The following EPS15L1 variants were observed in gnomAD, a reference collection of about 807,000 sequenced individuals.
EPS15L1 encodes the protein epidermal growth factor receptor substrate 15-like 1.
A neutral mutation model predicts 117.1 loss-of-function variants in EPS15L1; 43 were observed. The ratio of observed to expected loss-of-function variants is 0.37; its 90% CI spans 0.29 to 0.47. The LOEUF is 0.47. Among genes scored for constraint, EPS15L1 ranks in the 20% least tolerant of loss-of-function variants. The pLI, the probability that EPS15L1 is intolerant of heterozygous loss-of-function variation, is 0.99. For synonymous variants in EPS15L1, 459 were observed against 470.5 expected (o/e 0.98, Z 0.32); for missense variants, 981 against 1,164.0 (o/e 0.84, Z 2.29).
At chr19:16,362,668 C>A (rs751130231) in intron 22 of EPS15L1, among the ~76,000 whole-genome samples, 1 of 151,906 alleles carries the variant, frequency 6.6e-6, no homozygotes, top group Non-Finnish European at 1.5e-5. Flanking sequence ...AGCCACCATG[C>A]GTGGCTAATT....
intron 1 of EPS15L1, among the ~76,000 whole-genome samples, chr19:16,450,996 G>T (rs1420629942): frequency 1.3e-5 from 2 of 151,944 alleles, no homozygotes; most frequent in African/African-American, 2.4e-5. Context: ...TGTTGCCCAG[G>T]CTGGATGGCA....
chr19:16,435,317 T>G (rs1035439749), intron 6 of EPS15L1: 1 of 152,120 alleles, frequency 6.6e-6, no homozygotes, highest in Admixed American at 6.6e-5. Context: ...TAGCTCTTCA[T>G]GAACAGAGGG....
At chr19:16,373,589 G>A (rs920185740) in intron 22 of EPS15L1, among the ~76,000 whole-genome samples, 5 of 151,974 alleles carry the variant, frequency 3.3e-5, no homozygotes, top group Admixed American at 6.6e-5. Flanking sequence ...TTCTGAGCAC[G>A]ACTTCACCCG....
chr19:16,412,718 G>C lies in EPS15L1; in HGVS notation c.1266+1055C>G, dbSNP rs1165993592. On this transcript the variant is annotated intron_variant, in intron 13 of 23. Transcript: ENST00000455140. ...GACACCGGTGCAGCGGGGGGTGGGG[G>C]GGGGGGGGGTGTCAGAGGCCCTGGG... 3.0e-4 allele frequency: 38 copies of C among 127,658 alleles called. 1 individual carries two copies. The South Asian group carries it at 3.2e-3, about 11-fold the overall frequency. 7.9% of individuals were successfully genotyped at this position (127,658 alleles called of 1,614,324 possible).
chr19:16,434,737 C>T (rs536158843), intron 6 of EPS15L1: 4 of 388,222 alleles, frequency 1.0e-5, no homozygotes, highest in East Asian at 5.0e-5. Flanking sequence ...GCCCTGGCCC[C>T]GGGTCTTGTC....
At chr19:16,376,987 C>T (rs1241976297) in intron 22 of EPS15L1, 135 bp downstream of exon 22, 7 of 1,164,746 alleles carry the variant, frequency 6.0e-6, no homozygotes, top group South Asian at 1.6e-5. Context: ...GCAGCTGGGC[C>T]GGGGGGACCC....
rs190923943 is a variant in EPS15L1, at chr19:16,448,506, C to T, written c.34-6287G>A. Among the ~76,000 whole-genome samples the T allele has an allele frequency of 3.1e-3, 452 of 146,844 alleles. 2 individuals are homozygous for T. The highest frequency in any genetic ancestry group is 4.1e-3 in the Non-Finnish European group (279 of 67,432). On this transcript the variant is annotated intron_variant, in intron 1 of 23. Coordinates refer to ENST00000455140, the MANE Select transcript of EPS15L1 (RefSeq NM_001258374.3). Reference sequence around the variant, plus strand: ...GATCACACCATTGCACCATTGCACTCCAGCCTGGGCAATAAGAGCAAAATT... The same window carrying T: ...GATCACACCATTGCACCATTGCACTTCAGCCTGGGCAATAAGAGCAAAATT...
chr19:16,406,455 G>T (rs892232036), intron 13 of EPS15L1, among the ~76,000 whole-genome samples: 4 of 152,210 alleles, frequency 2.6e-5, no homozygotes, highest in Non-Finnish European at 4.4e-5. Context: ...TGTCCAGTGG[G>T]GGGCACAGAG....
intron 15 of EPS15L1, among the ~76,000 whole-genome samples, 161 bp downstream of exon 15, chr19:16,403,572 G>C (rs1389518393): frequency 1.3e-5 from 2 of 152,184 alleles, no homozygotes; most frequent in African/African-American, 2.4e-5. Flanking sequence ...ATGCCCTGGG[G>C]AGTCCTTGGC....
intron 6 of EPS15L1, 67 bp from the exon 7 acceptor site, chr19:16,434,557 T>G: frequency 1.9e-6 from 3 of 1,541,562 alleles, no homozygotes; most frequent in Non-Finnish European, 2.6e-6. Flanking sequence ...GACCGAGCTC[T>G]GACCGAAAGC....
At position 16,403,791 on chromosome 19, in the gene EPS15L1, C is replaced by T. The variant is rs564546317; in HGVS notation, c.1568G>A (p.Arg523Gln). The change falls in exon 15 of 24, where the codon CGA becomes CAA. Residue 523 changes from arginine (R) to glutamine (Q), a missense_variant. Around this residue, in one of 5 missense-constraint regions of EPS15L1, gnomAD observed 819 missense variants for 949.0 expected, o/e 0.86. Transcript: ENST00000455140. ...TQLEQSIQAGRVQLETIIKSL... is the reference protein window; with the variant it reads ...TQLEQSIQAGQVQLETIIKSL... ...CTTGATGATGGTTTCCAGCTGGACT[C>T]GCCCAGCCTGAATGCTCTGCTCCAG... 1.1e-5 allele frequency: 18 copies of T among 1,613,994 alleles called. No individual in the cohort carries two copies. Among genetic ancestry groups the T allele is most frequent in the Admixed American group, 3.3e-5 (2 of 60,016 alleles).
chr19:16,431,616 C>A (rs2092928483), intron 7 of EPS15L1, among the ~76,000 whole-genome samples: 1 of 152,076 alleles, frequency 6.6e-6, no homozygotes, highest in African/African-American at 2.4e-5. Context: ...GGAATAAGTT[C>A]TAAAGTTCAA....
At chr19:16,386,149 A>T (rs770490994) in intron 20 of EPS15L1, 22 bp downstream of exon 20, 9 of 1,591,334 alleles carry the variant, frequency 5.7e-6, no homozygotes, top group African/African-American at 1.3e-5. Context: ...AGTCAGGAAG[A>T]AAAATAAGTC....
Position 16,425,027 on chromosome 19 carries a change from C to G in EPS15L1, c.792+56G>C, listed in dbSNP as rs545489157. On this transcript the variant is annotated intron_variant, in intron 9 of 23. Coordinates refer to ENST00000455140, the MANE Select transcript of EPS15L1 (RefSeq NM_001258374.3). ...TCTGGGGTTGCATGTTAAGAACTCC[C>G]GAGAAACATCCTACTGTGCTCTGAG... is the stretch of plus-strand genomic sequence containing the variant. The G allele has an allele frequency of 3.5e-6, 5 of 1,442,564 alleles. No homozygotes were observed. The African/African-American group carries it at 5.6e-5, about 16-fold the overall frequency. The allele number at this position is 1,442,564 out of a possible 1,614,324, so 89.4% of individuals were successfully genotyped here.
intron 13 of EPS15L1, among the ~76,000 whole-genome samples, chr19:16,410,742 C>T (rs983169622): frequency 1.1e-4 from 17 of 151,356 alleles, no homozygotes; most frequent in African/African-American, 3.9e-4. Context: ...GAGACCTTGT[C>T]GCTGCAAAAA....
chr19:16,468,520 A>G (rs2093322721), intron 1 of EPS15L1, among the ~76,000 whole-genome samples: 1 of 147,346 alleles, frequency 6.8e-6, no homozygotes, highest in Non-Finnish European at 1.5e-5. Flanking sequence ...TAACTTTTGT[A>G]TTTTTAGTAC....
intron 7 of EPS15L1, among the ~76,000 whole-genome samples, chr19:16,431,100 G>A (rs918918171): frequency 2.0e-5 from 3 of 151,818 alleles, no homozygotes; most frequent in East Asian, 3.9e-4. Context: ...TTAGCTGGGC[G>A]TGATGGGGTG....
chr19:16,414,074 C>T (rs955728685), intron 12 of EPS15L1, among the ~76,000 whole-genome samples: 7 of 152,062 alleles, frequency 4.6e-5, no homozygotes, highest in Non-Finnish European at 8.8e-5. Flanking sequence ...CTAAAAGCAG[C>T]GCGCTTTCTC....
At chr19:16,423,833 C>T (rs1363698027) in intron 9 of EPS15L1, among the ~76,000 whole-genome samples, 3 of 152,048 alleles carry the variant, frequency 2.0e-5, no homozygotes, top group Non-Finnish European at 1.5e-5. Flanking sequence ...TGAGCTGTGG[C>T]GGGACACAGA....
Sources: allele counts gnomAD v4.1 joint callset (sites outside exome capture counted in the v4.1 genomes callset), GRCh38; gene constraint gnomAD v4.1.1; regional missense constraint gnomAD v4.1.1; transcripts MANE v1.5; gene names NCBI Gene and HGNC (gene_info 2026-07-23, HGNC 2026-07-21).